KCNMA1: variants seen among roughly 807,000 people sequenced by gnomAD.
The protein encoded by KCNMA1 is Calcium-activated potassium channel subunit alpha-1.
KCNMA1 carries 29 observed loss-of-function variants against 140.0 expected under a neutral mutation model. The observed-to-expected ratio is 0.21, with a 90% CI of 0.15 to 0.28. KCNMA1 has a LOEUF of 0.28. Ranked by LOEUF, KCNMA1 falls within the 10% of genes least tolerant of loss-of-function variation. The probability of loss-of-function intolerance (pLI) is 1.00; values close to 1 mark genes in which losing one functional copy is unlikely to be tolerated. For synonymous variants in KCNMA1, 612 were observed against 611.9 expected (o/e 1.00, Z 0.00); for missense variants, 880 against 1,602.2 (o/e 0.55, Z 7.70).
At chr10:77,164,682 A>G (rs1254035443) in intron 5 of KCNMA1, among the ~76,000 whole-genome samples, 1 of 152,110 alleles carries the variant, frequency 6.6e-6, no homozygotes, top group Non-Finnish European at 1.5e-5. Context: ...CCCATGGATC[A>G]TTTGGTTTTC....
intron 5 of KCNMA1, among the ~76,000 whole-genome samples, chr10:77,159,272 T>G (rs80015852): frequency 0.044 from 6,628 of 152,310 alleles, 454 homozygotes; most frequent in African/African-American, 0.15. Flanking sequence ...GCTTTTGTTT[T>G]AGGAAAACAA....
intron 14 of KCNMA1, among the ~76,000 whole-genome samples, chr10:77,048,301 TCA>T (rs942480815): frequency 4.6e-5 from 7 of 152,180 alleles, no homozygotes; most frequent in Non-Finnish European, 1.5e-5. Context: ...ATCAAACAGC[TCA>T]CAGTCCCCAT....
At chr10:77,350,914 G>A (rs1187243961) in intron 2 of KCNMA1, among the ~76,000 whole-genome samples, 1 of 152,178 alleles carries the variant, frequency 6.6e-6, no homozygotes, top group Non-Finnish European at 1.5e-5. Context: ...AGGGTGGTTT[G>A]GGGGTGGAGG....
intron 3 of KCNMA1, among the ~76,000 whole-genome samples, chr10:77,209,347 G>A (rs192720352): frequency 2.0e-5 from 3 of 152,254 alleles, no homozygotes; most frequent in East Asian, 3.9e-4. Flanking sequence ...AATAACCTGA[G>A]GTAATGGAAA....
In KCNMA1 at chr10:77,183,257, A is replaced by G. The variant is rs12767900; in HGVS notation, c.808+164T>C. On this transcript the variant is annotated intron_variant, in intron 5 of 27. Transcript: ENST00000286628. Reference sequence around the variant, plus strand: ...GCAAACCCTTTGGGGCTAGTGCTCCAAAGAGAGCTGCCACCATCAACTTCT... The same window carrying G: ...GCAAACCCTTTGGGGCTAGTGCTCCGAAGAGAGCTGCCACCATCAACTTCT... 0.26 allele frequency among the ~76,000 whole-genome samples: 39,984 copies of G among 152,114 alleles called. 5,593 individuals carry two copies. The highest frequency in any genetic ancestry group is 0.31 in the Middle Eastern group (92 of 294).
intron 1 of KCNMA1, among the ~76,000 whole-genome samples, chr10:77,476,230 T>A (rs1205291729): frequency 6.6e-6 from 1 of 152,118 alleles, no homozygotes; most frequent in South Asian, 2.1e-4. Context: ...GGACAATTTA[T>A]AATTAGCACA....
Position 77,280,642 on chromosome 10 carries a change from T to C in KCNMA1, c.541-29386A>G, listed in dbSNP as rs563508925. On this transcript the variant is annotated intron_variant, in intron 2 of 27. Transcript: ENST00000286628. ...CCTAGGCTCAAGGGCTCCTCCCACCTCAGCCTCCTGAGTAGCTGGGACTAC... is the reference window on the plus strand; with the variant it reads ...CCTAGGCTCAAGGGCTCCTCCCACCCCAGCCTCCTGAGTAGCTGGGACTAC... Among the ~76,000 whole-genome samples the C allele has an allele frequency of 5.3e-5, 8 of 151,442 alleles. No homozygotes were observed. In the South Asian group the frequency reaches 1.7e-3, roughly 32 times the overall value.
At chr10:77,162,765 C>G (rs1480121355) in intron 5 of KCNMA1, among the ~76,000 whole-genome samples, 1 of 152,186 alleles carries the variant, frequency 6.6e-6, no homozygotes, top group Non-Finnish European at 1.5e-5. Flanking sequence ...GATTCCATCT[C>G]CATTGATTTT....
chr10:77,316,810 G>A (rs538547984), intron 2 of KCNMA1, among the ~76,000 whole-genome samples: 2 of 152,300 alleles, frequency 1.3e-5, no homozygotes, highest in South Asian at 4.1e-4. Context: ...CTGCTTAGGG[G>A]TGTGCTTGGT....
chr10:76,932,579 C>T (rs1448370883), intron 23 of KCNMA1, among the ~76,000 whole-genome samples: 1 of 152,122 alleles, frequency 6.6e-6, no homozygotes, highest in Non-Finnish European at 1.5e-5. Flanking sequence ...TGTATTCATA[C>T]ACTGATCCCT....
chr10:77,506,571 T>TAGAGAGAGAGAGAGAG (rs72516981), intron 1 of KCNMA1, among the ~76,000 whole-genome samples: 10 of 78,106 alleles, frequency 1.3e-4, no homozygotes, highest in African/African-American at 7.3e-4. Context: ...GAGATGTTCC[T>TAGAGAGAGAGAGAGAG]AGAGAGAGAG....
intron 1 of KCNMA1, among the ~76,000 whole-genome samples, chr10:77,455,724 C>A (rs2097752755): frequency 1.3e-5 from 2 of 152,156 alleles, no homozygotes; most frequent in African/African-American, 4.8e-5. Flanking sequence ...ACACAGAAGG[C>A]CCAGACCTGA....
In KCNMA1 at chr10:77,365,450, T is replaced by C. The variant is rs112287120; in HGVS notation, c.540+38412A>G. On this transcript the variant is annotated intron_variant, in intron 2 of 27. Transcript: ENST00000286628. ...AAGCAGGACTGAATTCCAGATGTTATGATCCTAGAGAGTCTCTCAATCAAT... is the reference window on the plus strand; with the variant it reads ...AAGCAGGACTGAATTCCAGATGTTACGATCCTAGAGAGTCTCTCAATCAAT... Among the ~76,000 whole-genome samples, 658 of 152,346 alleles carry C rather than the reference T, an allele frequency of 4.3e-3. 6 individuals carry two copies. Among genetic ancestry groups the C allele is most frequent in the African/African-American group, 0.015 (620 of 41,572 alleles).
chr10:77,303,522 G>T (rs1022865961), intron 2 of KCNMA1, among the ~76,000 whole-genome samples: 1 of 152,046 alleles, frequency 6.6e-6, no homozygotes, highest in African/African-American at 2.4e-5. Flanking sequence ...TTTATACTTT[G>T]CAATGAAGAA....
chr10:77,155,591 G>T (rs1046570428), intron 5 of KCNMA1, among the ~76,000 whole-genome samples: 1 of 152,102 alleles, frequency 6.6e-6, no homozygotes, highest in African/African-American at 2.4e-5. Context: ...CCTCTCCCAT[G>T]CTGCCCCCGA....
intron 1 of KCNMA1, among the ~76,000 whole-genome samples, chr10:77,633,260 A>G (rs1313675416): frequency 6.6e-6 from 1 of 152,124 alleles, no homozygotes; most frequent in Non-Finnish European, 1.5e-5. Flanking sequence ...GGCTGCAGTG[A>G]GCCAAGATCG....
chr10:77,276,720 T>C (rs1413147098), intron 2 of KCNMA1, among the ~76,000 whole-genome samples: 1 of 152,110 alleles, frequency 6.6e-6, no homozygotes, highest in Non-Finnish European at 1.5e-5. Context: ...GGGCCTGGCT[T>C]GAGAATATAC....
intron 5 of KCNMA1, among the ~76,000 whole-genome samples, chr10:77,171,230 A>G (rs2098702353): frequency 6.6e-6 from 1 of 152,188 alleles, no homozygotes; most frequent in Non-Finnish European, 1.5e-5. Context: ...GGAACACCCC[A>G]AATCTGTAAT....
At position 77,195,369 on chromosome 10, in the gene KCNMA1, A is replaced by G. The variant is rs61125576; in HGVS notation, c.603-10453T>C. Among the ~76,000 whole-genome samples the G allele has an allele frequency of 9.5e-4, 145 of 152,282 alleles. 1 individual carries two copies. The highest frequency in any genetic ancestry group is 2.9e-3 in the African/African-American group (120 of 41,570). ...TAGGAATGTCATAAAGGACCTGGGCAGTAGAAACCAACACCACCATGGAAA... is the reference window on the plus strand; with the variant it reads ...TAGGAATGTCATAAAGGACCTGGGCGGTAGAAACCAACACCACCATGGAAA... On this transcript the variant is annotated intron_variant, in intron 3 of 27. Coordinates refer to ENST00000286628, the MANE Select transcript of KCNMA1 (RefSeq NM_001161352.2).
Sources: allele counts gnomAD v4.1 joint callset (sites outside exome capture counted in the v4.1 genomes callset), GRCh38; gene constraint gnomAD v4.1.1; transcripts MANE v1.5; gene names NCBI Gene and HGNC (gene_info 2026-07-23, HGNC 2026-07-21).